Variants in SLC4A7 observed in about 807,000 individuals in gnomAD.
SLC4A7 encodes sodium bicarbonate cotransporter 3.
A neutral mutation model predicts 137.6 loss-of-function variants in SLC4A7; 51 were observed. The ratio of observed to expected loss-of-function variants is 0.37; its 90% CI spans 0.30 to 0.47. The LOEUF is 0.47. Among genes scored for constraint, SLC4A7 ranks in the 20% least tolerant of loss-of-function variants. SLC4A7 has a pLI of 1.00. For missense variants in SLC4A7, 1,247 were observed against 1,525.4 expected, an observed-to-expected ratio of 0.82 and a Z score of 3.04; for synonymous variants, 542 against 518.6, an observed-to-expected ratio of 1.05 and a Z score of -0.61.
intron 4 of SLC4A7, 31 bp from the exon 5 acceptor site, chr3:27,436,579 AAGTAATGAAGATTC>A: frequency 7.4e-7 from 1 of 1,353,786 alleles, no homozygotes; most frequent in Non-Finnish European, 1.0e-6. Context: ...AATATTTTAT[AAGTAATGAAGATTC>A]CATTTGTTTA....
intron 3 of SLC4A7, among the ~76,000 whole-genome samples, chr3:27,443,582 T>C (rs951517437): frequency 1.3e-5 from 2 of 152,184 alleles, no homozygotes; most frequent in African/African-American, 4.8e-5. Context: ...TTTCCTTAGT[T>C]TCTTAGCTAG....
chr3:27,474,898 AGGAGTT>A (rs2059401261), intron 1 of SLC4A7, among the ~76,000 whole-genome samples: 1 of 152,166 alleles, frequency 6.6e-6, no homozygotes, highest in South Asian at 2.1e-4. Flanking sequence ...ACTTGAGGTC[AGGAGTT>A]CGAGACCTGC....
chr3:27,451,769 A>G (rs557807040), intron 2 of SLC4A7, among the ~76,000 whole-genome samples: 26 of 152,152 alleles, frequency 1.7e-4, no homozygotes, highest in Non-Finnish European at 3.8e-4. Flanking sequence ...GTCAGATTCT[A>G]ATTAAATTTG....
At chr3:27,446,494 TTAATCCCA>T (rs1448629708) in intron 3 of SLC4A7, among the ~76,000 whole-genome samples, 1 of 152,178 alleles carries the variant, frequency 6.6e-6, no homozygotes, top group Non-Finnish European at 1.5e-5. Flanking sequence ...CTTAACACTT[TTAATCCCA>T]TATCCTAGCT....
chr3:27,453,559 G>C (rs981397668), intron 1 of SLC4A7, among the ~76,000 whole-genome samples: 6 of 152,234 alleles, frequency 3.9e-5, no homozygotes, highest in Admixed American at 3.9e-4. Context: ...GTATTGGTGA[G>C]CCAAGATCGT....
At chr3:27,432,273 G>C (rs556946933) in intron 6 of SLC4A7, among the ~76,000 whole-genome samples, 1 of 152,170 alleles carries the variant, frequency 6.6e-6, no homozygotes, top group East Asian at 1.9e-4. Flanking sequence ...TTTTTAAAAA[G>C]AGAAACACAA....
chr3:27,484,292 C>T lies in SLC4A7; in HGVS notation c.-166G>A, dbSNP rs1039387563. The T allele has an allele frequency of 2.4e-5, 10 of 418,706 alleles. No homozygotes were observed. Among genetic ancestry groups the T allele is most frequent in the Non-Finnish European group, 3.5e-5 (9 of 256,880 alleles). 25.9% of individuals were successfully genotyped at this position (418,706 alleles called of 1,614,324 possible). ...CGTGGGGAGAGCCGGGCGCCGGGCG[C>T]GGGAGACGCGGGGCGTGCGTGTGCG... On this transcript the variant is annotated 5_prime_UTR_variant, in exon 1 of 26. Coordinates refer to ENST00000454389, the MANE Select transcript of SLC4A7 (RefSeq NM_001321103.2).
chr3:27,407,412 G>A (rs776869601), intron 13 of SLC4A7, among the ~76,000 whole-genome samples: 8 of 151,018 alleles, frequency 5.3e-5, no homozygotes, highest in Non-Finnish European at 8.9e-5. Context: ...CCCGAGAAGC[G>A]GAGGTTGCAG....
intron 23 of SLC4A7, among the ~76,000 whole-genome samples, chr3:27,384,379 C>T (rs2050726126): frequency 6.6e-6 from 1 of 152,116 alleles, no homozygotes; most frequent in Admixed American, 6.5e-5. Context: ...TGGAGTCTGA[C>T]AGCCATTTTG....
At position 27,425,519 on chromosome 3, in the gene SLC4A7, C is replaced by T. The variant is rs1163848693; in HGVS notation, c.1151-1367G>A. Among the ~76,000 whole-genome samples the T allele has an allele frequency of 5.5e-5, 8 of 146,730 alleles. No homozygotes were observed. In the Admixed American group the frequency reaches 5.5e-4, roughly 10 times the overall value. Reference sequence around the variant, plus strand: ...TGGAGAAACACCCTCTCTACTAAAACTACAAAATTAGCCTGGCGTGGTGGA... The same window carrying T: ...TGGAGAAACACCCTCTCTACTAAAATTACAAAATTAGCCTGGCGTGGTGGA... On this transcript the variant is annotated intron_variant, in intron 7 of 25. Transcript: ENST00000454389.
In SLC4A7 at chr3:27,403,246, G is replaced by A. The variant is rs1483515251; in HGVS notation, c.2214C>T (p.Ala738=). 2 of 1,613,678 alleles carry A rather than the reference G, an allele frequency of 1.2e-6. No individual in the cohort carries two copies. The highest frequency in any genetic ancestry group is 1.7e-6 in the Non-Finnish European group (2 of 1,179,950). ...ITRFTEEAFA[A]LICIIFIYEA... ...CGTAGATGAATATGATGCAAATAAG[G>A]GCTGCAAAAGCCTCTTCTGTAAATC... is the stretch of plus-strand genomic sequence containing the variant. Residue 738 remains alanine (A), a synonymous_variant, in exon 15 of 26, where the codon GCC becomes GCT. Transcript: ENST00000454389.
At position 27,424,091 on chromosome 3, in the gene SLC4A7, A is replaced by C. The variant is rs1166012166; in HGVS notation, c.1212T>G (p.Ile404Met). 6.2e-7 allele frequency: 1 copy of C among 1,612,258 alleles called. No homozygotes were observed. Among genetic ancestry groups the C allele is most frequent in the South Asian group, 1.1e-5 (1 of 90,886 alleles). ...GNLDNSKSGE[I>M]KGNGSGGSRE... ...TGCTTCCACCACTTCCATTACCTTT[A>C]ATTTCTCCACTTTTACTATTGTCCA... Residue 404 changes from isoleucine (I) to methionine (M), a missense_variant, in exon 8 of 26, where the codon ATT (isoleucine) becomes ATG (methionine). Coordinates refer to ENST00000454389, the MANE Select transcript of SLC4A7 (RefSeq NM_001321103.2).
At chr3:27,413,888 A>G (rs2054139177) in intron 11 of SLC4A7, among the ~76,000 whole-genome samples, 1 of 152,050 alleles carries the variant, frequency 6.6e-6, no homozygotes, top group Admixed American at 6.6e-5. Context: ...AATTACATGT[A>G]TAAGATTTAG....
At chr3:27,412,973 TA>T (rs2054051358) in intron 11 of SLC4A7, among the ~76,000 whole-genome samples, 1 of 152,046 alleles carries the variant, frequency 6.6e-6, no homozygotes, top group Admixed American at 6.5e-5. Context: ...ATAAAACAGC[TA>T]ACAGCAGAAA....
rs1485177065 is a variant in SLC4A7 at position 27,375,788 on chromosome 3, A to G, written c.*976T>C. On this transcript the variant is annotated 3_prime_UTR_variant, in exon 26 of 26. Coordinates refer to ENST00000454389, the MANE Select transcript of SLC4A7 (RefSeq NM_001321103.2). ...AAAAGTGAAAGAATAACATAAAGAG[A>G]AAATGAAAGGTAATTCTTAATAAAG... 6.6e-6 allele frequency: 1 copy of G among 152,270 alleles called. No individual in the cohort carries two copies. Among genetic ancestry groups the G allele is most frequent in the Non-Finnish European group, 1.5e-5 (1 of 67,900 alleles). The allele number at this position is 152,270 out of a possible 1,614,324, so 9.4% of individuals were successfully genotyped here.
chr3:27,422,569 C>A (rs979460303), intron 8 of SLC4A7, among the ~76,000 whole-genome samples: 1 of 152,064 alleles, frequency 6.6e-6, no homozygotes, highest in Non-Finnish European at 1.5e-5. Flanking sequence ...ATGCCTGGCC[C>A]CTTGTTTTTA....
chr3:27,409,811 C>A (rs1270045550), intron 12 of SLC4A7, among the ~76,000 whole-genome samples: 2 of 152,062 alleles, frequency 1.3e-5, no homozygotes, highest in East Asian at 3.9e-4. Flanking sequence ...TAATTTTGGA[C>A]ACAAATGTGC....
chr3:27,375,453 T>G lies in SLC4A7; in HGVS notation c.*1311A>C, dbSNP rs537994628. On this transcript the variant is annotated 3_prime_UTR_variant, in exon 26 of 26. Transcript: ENST00000454389. ...GTATATAAAAGATGACTAAAAAGATTTGTTAGACTTTAAAAAGCTCAGAAA... is the reference window on the plus strand; with the variant it reads ...GTATATAAAAGATGACTAAAAAGATGTGTTAGACTTTAAAAAGCTCAGAAA... 7.9e-5 allele frequency: 12 copies of G among 152,530 alleles called. No individual in the cohort carries two copies. Among genetic ancestry groups the G allele is most frequent in the South Asian group, 2.1e-4 (1 of 4,826 alleles). 9.4% of individuals were successfully genotyped at this position (152,530 alleles called of 1,614,324 possible). A position where few individuals can be genotyped will look rare whatever the true frequency, so the allele number is the denominator to read the frequency against.
intron 25 of SLC4A7, among the ~76,000 whole-genome samples, chr3:27,377,462 G>A (rs776780919): frequency 1.4e-4 from 21 of 151,972 alleles, no homozygotes; most frequent in African/African-American, 2.2e-4. Context: ...GCACAATCTC[G>A]GCTCACTGCA....
Sources: gnomAD v4.1 joint callset for allele counts (sites outside exome capture counted in the v4.1 genomes callset) on GRCh38, gnomAD v4.1.1 for gene constraint, MANE v1.5 for transcripts, NCBI Gene and HGNC (gene_info 2026-07-23, HGNC 2026-07-21) for gene names.